Variants in TAB2 observed in about 807,000 individuals in gnomAD.
TAB2 encodes the protein TGF-beta-activated kinase 1 and MAP3K7-binding protein 2.
TAB2 carries 3 observed loss-of-function variants against 65.0 expected under a neutral mutation model. The ratio of observed to expected loss-of-function variants is 0.05; its 90% CI spans 0.02 to 0.12. The LOEUF (loss-of-function observed/expected upper bound fraction) is 0.12. Ranked by LOEUF, TAB2 falls within the 10% of genes least tolerant of loss-of-function variation. The pLI is 1.00. For synonymous variants in TAB2, 298 were observed against 285.1 expected (o/e 1.05, Z -0.46); for missense variants, 623 against 840.3 (o/e 0.74, Z 3.20).
intron 1 of TAB2, among the ~76,000 whole-genome samples, chr6:149,231,144 A>G (rs920469163): frequency 6.6e-6 from 1 of 152,224 alleles, no homozygotes; most frequent in African/African-American, 2.4e-5. Flanking sequence ...CCTCATTACA[A>G]TTCAGTTCTT....
chr6:149,388,903 T>C (rs1781888666), intron 3 of TAB2, among the ~76,000 whole-genome samples: 1 of 152,082 alleles, frequency 6.6e-6, no homozygotes. Context: ...TTGTGTCTTA[T>C]TTAGAAAGCC....
Position 149,403,247 on chromosome 6 carries a change from AATATAT to A in TAB2, c.1939+4095_1939+4100del, listed in dbSNP as rs71010865. 1.8e-3 allele frequency among the ~76,000 whole-genome samples: 79 copies of A among 44,038 alleles called. 1 individual carries two copies. Among genetic ancestry groups the A allele is most frequent in the Middle Eastern group, 0.016 (1 of 62 alleles). 28.9% of individuals were successfully genotyped at this position (44,038 alleles called of 152,430 possible). ...GAAACTCTTGTCTAAAAAAAAAAAA[AATATAT>A]ATATATATATATATATATATATATA... On this transcript the variant is annotated intron_variant, in intron 6 of 6. Transcript: ENST00000637181.
chr6:149,359,606 C>T (rs1780778815), intron 1 of TAB2, among the ~76,000 whole-genome samples: 1 of 152,154 alleles, frequency 6.6e-6, no homozygotes, highest in Non-Finnish European at 1.5e-5. Flanking sequence ...TATAATGTGT[C>T]TTCTTTCCAC....
At chr6:149,324,905 T>TC (rs1354178313) in intron 1 of TAB2, among the ~76,000 whole-genome samples, 8 of 150,934 alleles carry the variant, frequency 5.3e-5, no homozygotes, top group Non-Finnish European at 1.2e-4. Context: ...CAAGCCTTTC[T>TC]CCCACCTCAG....
Position 149,378,804 on chromosome 6 carries a change from A to T in TAB2, c.889A>T (p.Thr297Ser). Residue 297 changes from threonine (T) to serine (S), a missense_variant, in exon 3 of 7, where the codon ACC becomes TCC. By Grantham distance (58) the Thr-to-Ser change is moderately conservative (BLOSUM62 1). Coordinates refer to ENST00000637181, the MANE Select transcript of TAB2 (RefSeq NM_001292034.3). Reference protein sequence around the residue: ...ISSPTTSQPPTIHSSGSSQSS... With the variant: ...ISSPTTSQPPSIHSSGSSQSS... ...TTCACCTACTACTTCACAACCACCA[A>T]CCATTCATTCATCTGGTAGCTCACA... is the stretch of plus-strand genomic sequence containing the variant. 6.2e-7 allele frequency: 1 copy of T among 1,613,840 alleles called. No individual in the cohort carries two copies. Among genetic ancestry groups the T allele is most frequent in the Non-Finnish European group, 8.5e-7 (1 of 1,179,964 alleles).
At chr6:149,317,278 G>A (rs1779278886), upstream of TAB2, among the ~76,000 whole-genome samples, 1 of 152,086 alleles carries the variant, frequency 6.6e-6, no homozygotes, top group South Asian at 2.1e-4. The surrounding 1 kb of genome is among the most constrained non-coding windows in gnomAD (Gnocchi z 4.7). Flanking sequence ...TCCCCGGGCT[G>A]CCCGCACCGG....
intron 1 of TAB2, among the ~76,000 whole-genome samples, chr6:149,305,028 T>C (rs1458388973): frequency 6.6e-6 from 1 of 152,214 alleles, no homozygotes; most frequent in Non-Finnish European, 1.5e-5. Context: ...GTATTTTTAC[T>C]TGTATTAGTT....
At chr6:149,324,073 A>G (rs1189844021) in intron 1 of TAB2, among the ~76,000 whole-genome samples, 1 of 152,200 alleles carries the variant, frequency 6.6e-6, no homozygotes. Flanking sequence ...GTAGTATTTT[A>G]ATTGCCTTGT....
At chr6:149,253,964 AAGAAAGAAAG>A (rs1562389232) in intron 1 of TAB2, among the ~76,000 whole-genome samples, 1,451 of 83,052 alleles carry the variant, frequency 0.017, 11 homozygotes, top group South Asian at 0.03. Context: ...AAGAAAAAGA[AAGAAAGAAAG>A]AAAGAAAGAA....
intron 1 of TAB2, among the ~76,000 whole-genome samples, chr6:149,281,262 A>G (rs1297598479): frequency 5.9e-5 from 9 of 152,140 alleles, no homozygotes; most frequent in Admixed American, 3.9e-4. Context: ...ATGGAAGTAC[A>G]TTATTGTAAG....
intron 1 of TAB2, among the ~76,000 whole-genome samples, chr6:149,362,824 T>A (rs1780895768): frequency 6.6e-6 from 1 of 152,158 alleles, no homozygotes; most frequent in Admixed American, 6.5e-5. Context: ...TCAAGGCAGC[T>A]TGTTTTCTAG....
chr6:149,346,509 A>C (rs1409560482), intron 1 of TAB2: 1 of 142,370 alleles, frequency 7.0e-6, no homozygotes, highest in Non-Finnish European at 1.5e-5. Context: ...GCTGGAGTGC[A>C]ATGGTGTGAT....
Position 149,403,245 on chromosome 6 carries a change from A to AT in TAB2, c.1939+4061_1939+4062insT, listed in dbSNP as rs1554265359. On this transcript the variant is annotated intron_variant, in intron 6 of 6. Coordinates refer to ENST00000637181, the MANE Select transcript of TAB2 (RefSeq NM_001292034.3). ...GCGAAACTCTTGTCTAAAAAAAAAA[A>AT]AAATATATATATATATATATATATA... is the stretch of plus-strand genomic sequence containing the variant. 2.1e-3 allele frequency among the ~76,000 whole-genome samples: 97 copies of AT among 47,064 alleles called. 1 individual carries two copies. Among genetic ancestry groups the AT allele is most frequent in the Middle Eastern group, 0.011 (1 of 92 alleles). The allele number at this position is 47,064 out of a possible 152,430, so 30.9% of individuals were successfully genotyped here.
At chr6:149,374,570 T>C (rs930501894) in intron 2 of TAB2, among the ~76,000 whole-genome samples, 6 of 152,206 alleles carry the variant, frequency 3.9e-5, no homozygotes, top group African/African-American at 1.4e-4. Context: ...GCACCCCTAA[T>C]GAAATAGTGT....
rs1782796139 is a variant in TAB2 at position 149,410,032 on chromosome 6, CT to C, written c.*318del. On this transcript the variant is annotated 3_prime_UTR_variant, in exon 7 of 7. Coordinates refer to ENST00000637181, the MANE Select transcript of TAB2 (RefSeq NM_001292034.3). ...GTTAACACCTAGGTGTTCCCAATAC[CT>C]TTTTCCCCTCATGTCACTACTGAAT... 25 of 378,376 alleles carry C rather than the reference CT, an allele frequency of 6.6e-5. No homozygotes were observed. The highest frequency in any genetic ancestry group is 8.2e-5 in the Non-Finnish European group (17 of 206,070). 23.4% of individuals were successfully genotyped at this position (378,376 alleles called of 1,614,324 possible). A position where few individuals can be genotyped will look rare whatever the true frequency, so the allele number is the denominator to read the frequency against.
chr6:149,317,834 A>AGGGGGCTGAGCGGGGAGGGAGGG lies in TAB2; in HGVS notation c.-270_-248dup, dbSNP rs1554258427. ...GGAGTTGGCGGCGGCGGGCGAGCGG[A>AGGGGGCTGAGCGGGGAGGGAGGG]GGGGGCTGAGCGGGGAGGGAGGGAG... On this transcript the variant is annotated 5_prime_UTR_variant, in exon 1 of 7. Transcript: ENST00000637181. This position sits in a 1 kb window ranked among gnomAD's most constrained non-coding sequence, Gnocchi z 4.7. 4.2e-4 allele frequency: 64 copies of AGGGGGCTGAGCGGGGAGGGAGGG among 153,794 alleles called. No homozygotes were observed. The highest frequency in any genetic ancestry group is 1.6e-3 in the African/African-American group (63 of 38,546). The allele number at this position is 153,794 out of a possible 1,614,324, so 9.5% of individuals were successfully genotyped here.
chr6:149,329,537 G>A (rs1779719728), intron 1 of TAB2, among the ~76,000 whole-genome samples: 1 of 152,094 alleles, frequency 6.6e-6, no homozygotes, highest in Admixed American at 6.5e-5. Flanking sequence ...GATAGAGAAT[G>A]CTTGTCTTGA....
chr6:149,342,858 T>C (rs1191588209), intron 1 of TAB2: 4 of 152,182 alleles, frequency 2.6e-5, no homozygotes, highest in African/African-American at 9.6e-5. Flanking sequence ...ATGGCACCAG[T>C]CAAGCTTAGC....
chr6:149,263,638 C>T (rs1389065506), intron 1 of TAB2, among the ~76,000 whole-genome samples: 1 of 152,216 alleles, frequency 6.6e-6, no homozygotes, highest in East Asian at 1.9e-4. Context: ...AAATGAACGG[C>T]ATGAACAAAG....
Sources: gnomAD v4.1 joint callset for allele counts (sites outside exome capture counted in the v4.1 genomes callset) on GRCh38, gnomAD v4.1.1 for gene constraint, Gnocchi (gnomAD v3.1) non-coding constraint, MANE v1.5 for transcripts, NCBI Gene and HGNC (gene_info 2026-07-23, HGNC 2026-07-21) for gene names.